Variants in DRP2 observed in about 807,000 individuals in gnomAD.
The protein encoded by DRP2 is dystrophin-related protein 2.
A neutral mutation model predicts 78.2 loss-of-function variants in DRP2; 29 were observed. That is an observed-to-expected ratio of 0.37 (90% CI 0.28 to 0.51). The LOEUF is 0.51. DRP2 is among the 20% of genes least tolerant of loss of function. The pLI is 0.94. For missense variants in DRP2, 686 were observed against 770.6 expected (o/e 0.89, Z 1.30); for synonymous variants, 290 against 281.9 (o/e 1.03, Z -0.29).
intron 1 of DRP2, among the ~76,000 whole-genome samples, chrX:101,221,308 C>T (rs1921886656): frequency 8.8e-6 from 1 of 113,119 alleles, no homozygotes; most frequent in South Asian, 3.6e-4. Flanking sequence ...ATGAAAGGCC[C>T]TCAGGTAAAT....
At chrX:101,222,163 G>A (rs191135422) in intron 1 of DRP2, among the ~76,000 whole-genome samples, 7 of 111,025 alleles carry the variant, frequency 6.3e-5, no homozygotes, top group Admixed American at 3.8e-4. Flanking sequence ...TGTATGTAAC[G>A]CATATTAAAG....
chrX:101,238,885 C>T, intron 5 of DRP2, 96 bp from the exon 6 acceptor site: 1 of 1,056,608 alleles, frequency 9.5e-7, no homozygotes, highest in Non-Finnish European at 1.3e-6. Context: ...AGAATCAAGA[C>T]ACACTGAGAA....
intron 17 of DRP2, among the ~76,000 whole-genome samples, chrX:101,252,984 G>GA (rs1923191713): frequency 9.0e-6 from 1 of 111,728 alleles, no homozygotes; most frequent in Non-Finnish European, 1.9e-5. Context: ...AAAGTCTCAG[G>GA]AAAAACAAAA....
intron 4 of DRP2, 29 bp from the exon 5 acceptor site, chrX:101,237,590 A>G (rs775890470): frequency 9.6e-7 from 1 of 1,041,054 alleles, no homozygotes; most frequent in Non-Finnish European, 1.2e-6. Context: ...AGAAGACTGA[A>G]CATCACTGGT....
In DRP2 at chrX:101,241,944, A is replaced by G; in HGVS notation, c.828+8A>G. The G allele has an allele frequency of 6.0e-6, 7 of 1,163,222 alleles. No homozygotes were observed. Among genetic ancestry groups the G allele is most frequent in the Non-Finnish European group, 6.9e-6 (6 of 869,576 alleles). ...CACATCCAGGCTATTAAGGTATGCA[A>G]GCCCCCTCCCCTGACTACAGTCTAC... On this transcript the variant is annotated splice_region_variant and intron_variant, in intron 7 of 23. Transcript: ENST00000395209.
chrX:101,224,204 T>G (rs1458328029), intron 1 of DRP2, among the ~76,000 whole-genome samples: 9 of 71,827 alleles, frequency 1.3e-4, no homozygotes, highest in South Asian at 1.8e-3. Context: ...TTTTTTTTTT[T>G]TTTTTTTTTT....
At chrX:101,224,182 G>GTTTTTTTTTTT (rs1214156680) in intron 1 of DRP2, among the ~76,000 whole-genome samples, 2 of 44,230 alleles carry the variant, frequency 4.5e-5, no homozygotes, top group Non-Finnish European at 8.1e-5. Flanking sequence ...TGTTTGCTGG[G>GTTTTTTTTTTT]TTTTTTTTGT....
intron 23 of DRP2, 83 bp downstream of exon 23, chrX:101,260,252 G>A (rs992701770): frequency 1.9e-5 from 22 of 1,147,743 alleles, no homozygotes; most frequent in Middle Eastern, 5.5e-4. Context: ...TTGCGGGGCT[G>A]GGACTGGTTT....
chrX:101,236,330 A>G (rs1199344428), intron 4 of DRP2, among the ~76,000 whole-genome samples: 2 of 112,326 alleles, frequency 1.8e-5, no homozygotes, highest in Non-Finnish European at 3.8e-5. Context: ...ACTACCTCAC[A>G]GTGTGGTCAT....
chrX:101,223,208 C>T (rs1426920328), intron 1 of DRP2, among the ~76,000 whole-genome samples: 4 of 111,152 alleles, frequency 3.6e-5, no homozygotes, highest in African/African-American at 1.3e-4. Flanking sequence ...GCTATGTTGT[C>T]CAGGCTGATC....
Position 101,237,728 on chromosome X carries a change from C to T in DRP2, c.391C>T (p.Leu131=). The change falls in exon 5 of 24, where the codon CTA becomes TTA. Residue 131 remains leucine, a synonymous_variant. Transcript: ENST00000395209. Reference sequence around the variant, plus strand: ...TGAGGAGTTGTCAGCTCAGCTGCCCCTACAGGGGGATGTGGCCCTGGTGCA... The same window carrying T: ...TGAGGAGTTGTCAGCTCAGCTGCCCTTACAGGGGGATGTGGCCCTGGTGCA... ...KDEELSAQLP[L]QGDVALVQQE... is the part of the protein sequence containing the mutation. 8.5e-7 allele frequency: 1 copy of T among 1,169,722 alleles called. No individual in the cohort carries two copies. Among genetic ancestry groups the T allele is most frequent in the Non-Finnish European group, 1.2e-6 (1 of 869,438 alleles).
intron 1 of DRP2, among the ~76,000 whole-genome samples, chrX:101,224,182 GT>G (rs1214156680): frequency 6.8e-5 from 3 of 44,224 alleles, no homozygotes; most frequent in African/African-American, 3.1e-4. Context: ...TGTTTGCTGG[GT>G]TTTTTTTGTT....
intron 11 of DRP2, among the ~76,000 whole-genome samples, chrX:101,246,135 G>C (rs1220169453): frequency 8.9e-6 from 1 of 112,250 alleles, no homozygotes; most frequent in African/African-American, 3.2e-5. Context: ...ATAAGCAGGT[G>C]GGAGAGGGAA....
intron 1 of DRP2, among the ~76,000 whole-genome samples, 169 bp from the exon 2 acceptor site, chrX:101,224,435 C>T (rs1265068054): frequency 9.3e-6 from 1 of 107,342 alleles, no homozygotes; most frequent in Non-Finnish European, 1.9e-5. Context: ...CCCGGATGTC[C>T]AGGCTTCCTT....
Position 101,258,473 on chromosome X carries a change from G to A in DRP2, c.2555G>A (p.Arg852His), listed in dbSNP as rs780817758. The A allele has an allele frequency of 3.3e-6, 4 of 1,198,410 alleles. No homozygotes were observed. The highest frequency in any genetic ancestry group is 3.7e-5 in the South Asian group (2 of 54,776). Residue 852 changes from arginine to histidine, a missense_variant, in exon 22 of 24, where the codon CGC (arginine) becomes CAC (histidine). Around this residue, in one of 2 missense-constraint regions of DRP2, gnomAD observed 423 missense variants for 531.5 expected, o/e 0.80. Coordinates refer to ENST00000395209, the MANE Select transcript of DRP2 (RefSeq NM_001939.3). ...CAACATAAGAGCCGCCTGGAGACGC[G>A]CATGCAGATCCTCGAAGATCACAAC... Reference protein sequence around the residue: ...LRQHKSRLETRMQILEDHNKQ... With the variant: ...LRQHKSRLETHMQILEDHNKQ...
chrX:101,236,076 G>T, intron 4 of DRP2, 53 bp downstream of exon 4: 2 of 1,161,860 alleles, frequency 1.7e-6, no homozygotes, highest in Non-Finnish European at 2.3e-6. Flanking sequence ...GGCTCCTTTT[G>T]CTGCTGCACC....
At chrX:101,256,084 G>C in intron 20 of DRP2, 34 bp from the exon 21 acceptor site, 1 of 1,134,305 alleles carries the variant, frequency 8.8e-7, no homozygotes, top group Non-Finnish European at 1.2e-6. Flanking sequence ...TTCAACAACT[G>C]GTCACCTACT....
rs189777455 is a variant in DRP2 at position 101,256,810 on chromosome X, C to T, written c.2390+549C>T. Among the ~76,000 whole-genome samples the T allele has an allele frequency of 6.2e-3, 664 of 106,684 alleles. 5 individuals carry two copies. Among genetic ancestry groups the T allele is most frequent in the African/African-American group, 0.022 (635 of 29,187 alleles). The allele number at this position is 106,684 out of a possible 115,157, so 92.6% of individuals were successfully genotyped here. On this transcript the variant is annotated intron_variant, in intron 21 of 23. Transcript: ENST00000395209. ...CTGACCTCAAGTGATCTGCTCACCCCGGCTTCCCAAAGTGCTGGGATTACA... is the reference window on the plus strand; with the variant it reads ...CTGACCTCAAGTGATCTGCTCACCCTGGCTTCCCAAAGTGCTGGGATTACA...
intron 21 of DRP2, among the ~76,000 whole-genome samples, chrX:101,257,671 C>A (rs1286783794): frequency 9.1e-6 from 1 of 109,759 alleles, no homozygotes; most frequent in Non-Finnish European, 1.9e-5. Context: ...TGGATTTTTG[C>A]CATGAATCAT....
Sources: allele counts gnomAD v4.1 joint callset (sites outside exome capture counted in the v4.1 genomes callset), GRCh38; gene constraint gnomAD v4.1.1; regional missense constraint gnomAD v4.1.1; transcripts MANE v1.5; gene names NCBI Gene and HGNC (gene_info 2026-07-23, HGNC 2026-07-21).